Variants in PCDH11Y observed in about 807,000 individuals in gnomAD.
PCDH11Y encodes the protein protocadherin 11 Y-linked, also known as protocadherin-11 Y-linked.
For synonymous variants in PCDH11Y, 9 were observed against 83.6 expected (o/e 0.11, Z 4.87); for missense variants, 12 against 224.8 (o/e 0.05, Z 6.05).
chrY:5,243,390 G>A lies in PCDH11Y; in HGVS notation c.3129+142683G>A, dbSNP rs1602892392. 6.9e-4 allele frequency among the ~76,000 whole-genome samples: 21 copies of A among 30,370 alleles called. No individual in the cohort carries two copies. In the East Asian group the frequency reaches 0.013, roughly 19 times the overall value. 81.5% of individuals were successfully genotyped at this position (30,370 alleles called of 37,273 possible). A position where few individuals can be genotyped will look rare whatever the true frequency, so the allele number is the denominator to read the frequency against. ...TGTGTTCTAGGCACACTACACCTTCGTTTATAATCTTACATGTATCAGAAA... is the reference window on the plus strand; with the variant it reads ...TGTGTTCTAGGCACACTACACCTTCATTTATAATCTTACATGTATCAGAAA... On this transcript the variant is annotated intron_variant, in intron 2 of 4. Coordinates refer to the PCDH11Y transcript ENST00000400457.
At chrY:5,295,673 C>G (rs2053073313) in intron 2 of PCDH11Y, among the ~76,000 whole-genome samples, 1 of 33,957 alleles carries the variant, frequency 2.9e-5, no homozygotes, top group South Asian at 6.5e-4. Flanking sequence ...AGCCACTGCA[C>G]CCGGCAAGGC....
intron 2 of PCDH11Y, among the ~76,000 whole-genome samples, chrY:5,243,919 G>C (rs370062464): frequency 0.11 from 3,334 of 30,408 alleles, no homozygotes; most frequent in African/African-American, 0.49. Context: ...ACTATATCAA[G>C]TGGACCTGAT....
chrY:5,573,578 C>A, intron 3 of PCDH11Y: 1 of 280,666 alleles, frequency 3.6e-6, no homozygotes, highest in Non-Finnish European at 5.5e-6. Flanking sequence ...ATACTGTGGA[C>A]AATGCCTGCA....
chrY:5,325,944 A>G (rs1602904622), intron 2 of PCDH11Y, among the ~76,000 whole-genome samples: 3 of 33,221 alleles, frequency 9.0e-5, no homozygotes, highest in Middle Eastern at 0.014. Context: ...AGGGAAAGTG[A>G]TAAAAGTATT....
chrY:5,329,761 C>G (rs2053127728), intron 2 of PCDH11Y, among the ~76,000 whole-genome samples: 68 of 32,619 alleles, frequency 2.1e-3, no homozygotes, highest in Non-Finnish European at 6.0e-4. Context: ...AGTGTGGTTC[C>G]AAGATTGAAA....
At chrY:5,373,084 TTCCCTCCCTCCCTCCC>T (rs1216851058) in intron 2 of PCDH11Y, among the ~76,000 whole-genome samples, 5 of 1,722 alleles carry the variant, frequency 2.9e-3, no homozygotes, top group Non-Finnish European at 4.7e-3. Flanking sequence ...CCTTCCTTCC[TTCCCTCCCTCCCTCCC>T]TCCCTCCCTC....
intron 2 of PCDH11Y, among the ~76,000 whole-genome samples, chrY:5,187,940 C>T: frequency 1.2e-4 from 4 of 33,459 alleles, no homozygotes. Context: ...CTTTTAACAG[C>T]ACCCAAATCA....
intron 4 of PCDH11Y, among the ~76,000 whole-genome samples, chrY:5,659,085 CAGGAAG>C (rs2053539009): frequency 3.1e-5 from 1 of 32,620 alleles, no homozygotes; most frequent in African/African-American, 1.2e-4. Flanking sequence ...CCTGGATTAC[CAGGAAG>C]AGTCTCATGT....
intron 3 of PCDH11Y, among the ~76,000 whole-genome samples, chrY:5,511,792 G>A: frequency 6.0e-5 from 2 of 33,496 alleles, no homozygotes; most frequent in Admixed American, 2.7e-4. Context: ...AAAAGACCAT[G>A]AATTTCTTTG....
intron 1 of PCDH11Y, among the ~76,000 whole-genome samples, chrY:5,066,148 T>C: frequency 3.6e-5 from 1 of 28,020 alleles, no homozygotes; most frequent in Admixed American, 3.6e-4. Flanking sequence ...TTTTCTGGCT[T>C]ATAAGAGAGC....
At chrY:5,026,255 A>G in intron 1 of PCDH11Y, among the ~76,000 whole-genome samples, 1 of 32,497 alleles carries the variant, frequency 3.1e-5, no homozygotes, top group Non-Finnish European at 7.6e-5. Flanking sequence ...TCCTATTTAG[A>G]AAGAATAATT....
chrY:5,319,804 C>A, intron 2 of PCDH11Y, among the ~76,000 whole-genome samples: 2 of 32,734 alleles, frequency 6.1e-5, no homozygotes, highest in Non-Finnish European at 1.5e-4. Flanking sequence ...ATTTCATATC[C>A]TCTCTTTGTC....
chrY:5,670,914 T>TA (rs2053548525), intron 4 of PCDH11Y, among the ~76,000 whole-genome samples: 3 of 33,248 alleles, frequency 9.0e-5, no homozygotes, highest in Non-Finnish European at 2.3e-4. Context: ...TTTGAAGTCT[T>TA]AGATTTAAAT....
At chrY:5,168,542 CATATATATATATATATATATATATATAT>C (rs61386097) in intron 2 of PCDH11Y, among the ~76,000 whole-genome samples, 13 of 1,580 alleles carry the variant, frequency 8.2e-3, no homozygotes, top group Middle Eastern at 0.67. Flanking sequence ...TCGTAGACAT[CATATATATATATATATATATATATATAT>C]ATATATATAT....
chrY:5,129,480 G>GAGAGAGAC (rs2052831121), intron 2 of PCDH11Y, among the ~76,000 whole-genome samples: 1 of 23,012 alleles, frequency 4.3e-5, no homozygotes, highest in South Asian at 1.3e-3. Flanking sequence ...CACACACACA[G>GAGAGAGAC]AGAGAGAGAG....
At chrY:5,229,372 G>C in intron 2 of PCDH11Y, among the ~76,000 whole-genome samples, 2 of 18,355 alleles carry the variant, frequency 1.1e-4, no homozygotes, top group Admixed American at 7.0e-4. Context: ...CTGGAATACA[G>C]TGGCCCAAGC....
intron 2 of PCDH11Y, among the ~76,000 whole-genome samples, chrY:5,440,439 G>C: frequency 3.1e-5 from 1 of 31,791 alleles, no homozygotes; most frequent in Non-Finnish European, 7.6e-5. Context: ...ACATCCTAGA[G>C]AAGCAGGTGA....
chrY:5,307,362 A>G (rs2053091817), intron 2 of PCDH11Y, among the ~76,000 whole-genome samples: 1 of 33,661 alleles, frequency 3.0e-5, no homozygotes, highest in African/African-American at 1.2e-4. Context: ...GGTTGAAAAT[A>G]GCTGGAAAAA....
chrY:5,006,229 C>G, intron 1 of PCDH11Y, among the ~76,000 whole-genome samples: 1 of 26,661 alleles, frequency 3.8e-5, no homozygotes, highest in Admixed American at 3.6e-4. Flanking sequence ...CTCCTCCCCC[C>G]CTCCTCCTTT....
Sources: allele counts gnomAD v4.1 joint callset (sites outside exome capture counted in the v4.1 genomes callset), GRCh38; gene constraint gnomAD v4.1.1; transcripts MANE v1.5; gene names NCBI Gene and HGNC (gene_info 2026-07-23, HGNC 2026-07-21).